CNTLN: variants seen among roughly 807,000 people sequenced by gnomAD.
The protein encoded by CNTLN is centlein, centrosomal protein.
CNTLN carries 212 observed loss-of-function variants against 180.0 expected under a neutral mutation model. The ratio of observed to expected loss-of-function variants is 1.18; its 90% CI spans 1.05 to 1.32. The LOEUF is 1.32. CNTLN is among the 40% of genes most tolerant of loss of function. The pLI is 0.00. For synonymous variants in CNTLN, 722 were observed against 563.1 expected (o/e 1.28, Z -3.99); for missense variants, 2,095 against 1,610.9 (o/e 1.30, Z -5.14).
intron 7 of CNTLN, chr9:17,301,319 A>T: frequency 1.0e-6 from 1 of 985,374 alleles, no homozygotes; most frequent in Non-Finnish European, 1.2e-6. Flanking sequence ...TTCTAGGATT[A>T]TGTTTATCCC....
In CNTLN at chr9:17,394,393, A is replaced by G; in HGVS notation, c.2080-141A>G. The G allele has an allele frequency of 8.6e-6, 6 of 698,624 alleles. No homozygotes were observed. The South Asian group carries it at 1.4e-4, about 17-fold the overall frequency. 43.3% of individuals were successfully genotyped at this position (698,624 alleles called of 1,614,324 possible). ...TGAATGTATTCATCTGCACTGCCTT[A>G]GAATTATCTAGAAATTAAGTACTTT... On this transcript the variant is annotated intron_variant, in intron 14 of 25. Coordinates refer to ENST00000380647, the MANE Select transcript of CNTLN (RefSeq NM_017738.4).
At chr9:17,377,022 C>T (rs887452335) in intron 13 of CNTLN, among the ~76,000 whole-genome samples, 16 of 152,164 alleles carry the variant, frequency 1.1e-4, no homozygotes, top group African/African-American at 3.6e-4. Context: ...TTTTACAAAA[C>T]TTTTTTGTAA....
intron 23 of CNTLN, among the ~76,000 whole-genome samples, chr9:17,483,621 A>G (rs7469362): frequency 0.75 from 114,024 of 152,176 alleles, 47,348 homozygotes; most frequent in Non-Finnish European, 0.91. Context: ...ATTAAGGAGT[A>G]ACTTTTTGTT....
intron 5 of CNTLN, among the ~76,000 whole-genome samples, chr9:17,254,641 T>A (rs1826360827): frequency 6.6e-6 from 1 of 151,628 alleles, no homozygotes; most frequent in Admixed American, 6.6e-5. Flanking sequence ...AGGCTATTTT[T>A]CATTGGTCTG....
intron 25 of CNTLN, among the ~76,000 whole-genome samples, chr9:17,500,545 G>T (rs970685484): frequency 6.6e-6 from 1 of 152,164 alleles, no homozygotes; most frequent in African/African-American, 2.4e-5. Flanking sequence ...CTGATAAATA[G>T]ACCATGAGAA....
At chr9:17,236,034 G>A (rs927569617) in intron 4 of CNTLN, among the ~76,000 whole-genome samples, 10 of 152,212 alleles carry the variant, frequency 6.6e-5, no homozygotes, top group Admixed American at 5.9e-4. Flanking sequence ...AAGTAGGAGT[G>A]TGAATATGTG....
At chr9:17,294,267 C>T (rs1210822331) in intron 6 of CNTLN, among the ~76,000 whole-genome samples, 1 of 152,044 alleles carries the variant, frequency 6.6e-6, no homozygotes, top group Non-Finnish European at 1.5e-5. Flanking sequence ...CTGGCTCTGG[C>T]AGCCTGCTTT....
chr9:17,135,285 C>G lies in CNTLN; in HGVS notation c.220C>G (p.Pro74Ala). Residue 74 changes from proline (P) to alanine (A), a missense_variant, in exon 1 of 26, where the codon CCG becomes GCG. Pro to Ala is a conservative substitution (Grantham distance 27, BLOSUM62 -1). Coordinates refer to ENST00000380647, the MANE Select transcript of CNTLN (RefSeq NM_017738.4). The part of the protein sequence containing the change: ...GGRRGPGGAA[P>A]AHAPLLSAPM... ...CCGGCGAGGGCCTGGGGGGGCAGCT[C>G]CGGCTCATGCTCCCCTCCTCAGCGC... 6.2e-7 allele frequency: 1 copy of G among 1,600,634 alleles called. No individual in the cohort carries two copies. The highest frequency in any genetic ancestry group is 8.5e-7 in the Non-Finnish European group (1 of 1,174,434).
intron 14 of CNTLN, among the ~76,000 whole-genome samples, chr9:17,392,269 A>G (rs1826173215): frequency 6.6e-6 from 1 of 152,198 alleles, no homozygotes; most frequent in Admixed American, 6.5e-5. Context: ...TGACTCAAAG[A>G]AAGTGTAATT....
intron 7 of CNTLN, among the ~76,000 whole-genome samples, chr9:17,302,444 C>G (rs1818436843): frequency 6.6e-6 from 1 of 152,152 alleles, no homozygotes; most frequent in South Asian, 2.1e-4. Flanking sequence ...GGTGATCCAT[C>G]CGCTTCAGCC....
At chr9:17,439,233 T>A (rs1722153587) in intron 18 of CNTLN, among the ~76,000 whole-genome samples, 1 of 152,150 alleles carries the variant, frequency 6.6e-6, no homozygotes, top group African/African-American at 2.4e-5. Flanking sequence ...TGATAAAAAG[T>A]CATTAAAGAT....
chr9:17,138,145 C>T (rs1412724455), intron 1 of CNTLN, among the ~76,000 whole-genome samples: 1 of 152,048 alleles, frequency 6.6e-6, no homozygotes, highest in East Asian at 1.9e-4. Context: ...CTCCACTACA[C>T]TTTTAATTTT....
intron 7 of CNTLN, 57 bp from the exon 8 acceptor site, chr9:17,308,997 GACAC>G (rs772125965): frequency 0.011 from 12,037 of 1,140,700 alleles, 117 homozygotes; most frequent in South Asian, 0.038. Context: ...CACACACACA[GACAC>G]ACAGACACAT....
chr9:17,347,684 AAAAGAAAAAGG>A (rs1424448708), intron 12 of CNTLN, among the ~76,000 whole-genome samples: 17 of 151,436 alleles, frequency 1.1e-4, no homozygotes, highest in Non-Finnish European at 2.5e-4. Flanking sequence ...AAAAAAAAAA[AAAAGAAAAAGG>A]AAAAGAAAAA....
At chr9:17,239,071 T>C (rs544102527) in intron 5 of CNTLN, among the ~76,000 whole-genome samples, 1 of 152,350 alleles carries the variant, frequency 6.6e-6, no homozygotes, top group Non-Finnish European at 1.5e-5. Context: ...AGAGTCTTGC[T>C]CTGTTGCCCA....
intron 2 of CNTLN, among the ~76,000 whole-genome samples, chr9:17,213,167 T>A (rs1322521667): frequency 1.3e-5 from 2 of 152,228 alleles, no homozygotes; most frequent in Admixed American, 6.5e-5. Context: ...ATTTTAGATC[T>A]CTTGTGCTTT....
Position 17,330,810 on chromosome 9 carries a change from T to C in CNTLN, c.1518+2T>C. 2.5e-6 allele frequency: 4 copies of C among 1,595,206 alleles called. No individual in the cohort carries two copies. Among genetic ancestry groups the C allele is most frequent in the Non-Finnish European group, 3.4e-6 (4 of 1,173,068 alleles). ...ACAAGTGCTGAAGGAAAACATAAGG[T>C]AGGGACATTTTGTCATTTTGTGAAT... On this transcript the variant is annotated splice_donor_variant, in intron 9 of 25. Transcript: ENST00000380647. LOFTEE classifies it high-confidence loss of function.
At chr9:17,482,179 A>G (rs755823922) in intron 23 of CNTLN, among the ~76,000 whole-genome samples, 1 of 152,212 alleles carries the variant, frequency 6.6e-6, no homozygotes, top group Admixed American at 6.5e-5. Context: ...AACATGATGG[A>G]CAACTAAACC....
At chr9:17,434,244 T>C (rs1203482527) in intron 18 of CNTLN, among the ~76,000 whole-genome samples, 2 of 152,058 alleles carry the variant, frequency 1.3e-5, no homozygotes, top group African/African-American at 4.8e-5. Context: ...TTTATTTATT[T>C]CTGCTCTTAT....
Sources: allele counts gnomAD v4.1 joint callset (sites outside exome capture counted in the v4.1 genomes callset), GRCh38; gene constraint gnomAD v4.1.1; transcripts MANE v1.5; gene names NCBI Gene and HGNC (gene_info 2026-07-23, HGNC 2026-07-21).